The following RAB5A variants were observed in gnomAD, a reference collection of about 807,000 sequenced individuals.
RAB5A encodes RAB5A, member RAS oncogene family.
In RAB5A, 8 loss-of-function variants were observed where a neutral mutation model predicts 25.7. The ratio of observed to expected loss-of-function variants is 0.31; its 90% CI spans 0.18 to 0.56. RAB5A has a LOEUF of 0.56. Among genes scored for constraint, RAB5A ranks in the 20% least tolerant of loss-of-function variants. RAB5A has a pLI of 0.91. For synonymous variants in RAB5A, 98 were observed against 89.8 expected, an observed-to-expected ratio of 1.09 and a Z score of -0.52; for missense variants, 192 against 259.7, an observed-to-expected ratio of 0.74 and a Z score of 1.79.
At chr3:19,978,018 T>A (rs1696853148) in intron 4 of RAB5A, among the ~76,000 whole-genome samples, 1 of 152,194 alleles carries the variant, frequency 6.6e-6, no homozygotes, top group Non-Finnish European at 1.5e-5. Flanking sequence ...AAGATAATTC[T>A]CCCCCATCTC....
chr3:19,975,418 A>AAGAC, intron 2 of RAB5A, 183 bp from the exon 3 acceptor site: 1 of 518,698 alleles, frequency 1.9e-6, no homozygotes, highest in South Asian at 3.1e-5. Context: ...GCAATCTGTC[A>AAGAC]AGTTTCTAGG....
chr3:19,956,913 T>C (rs564259624), intron 2 of RAB5A, among the ~76,000 whole-genome samples: 2 of 151,756 alleles, frequency 1.3e-5, no homozygotes, highest in African/African-American at 2.4e-5. Context: ...ATTTAGAAAA[T>C]TTGAAGATTT....
At position 19,975,725 on chromosome 3, in the gene RAB5A, C is replaced by T; in HGVS notation, c.288C>T (p.Ala96=). The T allele has an allele frequency of 6.2e-7, 1 of 1,613,114 alleles. No individual in the cohort carries two copies. Among genetic ancestry groups the T allele is most frequent in the East Asian group, 2.2e-5 (1 of 44,848 alleles). ...APMYYRGAQA[A]IVVYDITNEE... ...TGTACTACAGAGGAGCACAAGCAGC[C>T]ATAGTTGTATATGATATCACAAATG... The change falls in exon 3 of 6, where the codon GCC becomes GCT. Residue 96 remains alanine, a synonymous_variant. Coordinates refer to ENST00000273047, the MANE Select transcript of RAB5A (RefSeq NM_004162.5).
intron 2 of RAB5A, among the ~76,000 whole-genome samples, chr3:19,967,848 G>T (rs1261530190): frequency 6.6e-6 from 1 of 152,038 alleles, no homozygotes; most frequent in South Asian, 2.1e-4. Context: ...TGTCGCTTCT[G>T]CAGTCCATTC....
chr3:19,974,257 C>T (rs990138292), intron 2 of RAB5A, among the ~76,000 whole-genome samples: 7 of 151,322 alleles, frequency 4.6e-5, no homozygotes, highest in African/African-American at 1.2e-4. Context: ...TGGGTTCAAA[C>T]GACTCTCCTG....
At chr3:19,976,794 TCTA>T (rs1696831195) in intron 4 of RAB5A, among the ~76,000 whole-genome samples, 1 of 152,184 alleles carries the variant, frequency 6.6e-6, no homozygotes, top group African/African-American at 2.4e-5. Context: ...CTAACCCTCT[TCTA>T]CTCATGTGCA....
chr3:19,970,494 G>C (rs1364609229), intron 2 of RAB5A: 1 of 455,966 alleles, frequency 2.2e-6, no homozygotes, highest in East Asian at 7.0e-5. Flanking sequence ...AGACAGGCCA[G>C]CACCCACATC....
chr3:19,965,776 C>T (rs940022376), intron 2 of RAB5A, among the ~76,000 whole-genome samples: 11 of 152,074 alleles, frequency 7.2e-5, no homozygotes, highest in African/African-American at 1.4e-4. Flanking sequence ...GGGATGGGGA[C>T]GGGATGACAG....
Position 19,983,873 on chromosome 3 carries a change from T to C in RAB5A, c.*50T>C. The C allele has an allele frequency of 7.8e-7, 1 of 1,281,678 alleles. No homozygotes were observed. The highest frequency in any genetic ancestry group is 1.1e-6 in the Non-Finnish European group (1 of 898,010). The allele number at this position is 1,281,678 out of a possible 1,614,324, so 79.4% of individuals were successfully genotyped here. ...TAGTCTTCTGCTTCCTAAATGTTAA[T>C]AACAATGGAATTGGAGCATTTAACC... On this transcript the variant is annotated 3_prime_UTR_variant, in exon 6 of 6. Coordinates refer to ENST00000273047, the MANE Select transcript of RAB5A (RefSeq NM_004162.5).
At chr3:19,969,767 C>T (rs1399999204) in intron 2 of RAB5A, among the ~76,000 whole-genome samples, 2 of 152,096 alleles carry the variant, frequency 1.3e-5, no homozygotes, top group Non-Finnish European at 2.9e-5. Context: ...CTGTTTAATT[C>T]ATGTAGAATC....
intron 1 of RAB5A, among the ~76,000 whole-genome samples, chr3:19,948,689 CACA>C (rs1331423664): frequency 9.9e-5 from 15 of 151,522 alleles, no homozygotes; most frequent in Admixed American, 7.9e-4. Context: ...GGGGAGTAGC[CACA>C]ATTAAGTAGC....
Position 19,963,623 on chromosome 3 carries a change from G to A in RAB5A, c.164-11978G>A, listed in dbSNP as rs76181330. On this transcript the variant is annotated intron_variant, in intron 2 of 5. Coordinates refer to ENST00000273047, the MANE Select transcript of RAB5A (RefSeq NM_004162.5). ...GTTTAGTCTTCTTTTCTATTATGTT[G>A]TAAAATTCTCAGATATCAGAACTTT... 6.4e-3 allele frequency among the ~76,000 whole-genome samples: 979 copies of A among 151,898 alleles called. 7 individuals are homozygous for A. The highest frequency in any genetic ancestry group is 0.022 in the African/African-American group (905 of 41,406).
chr3:19,950,776 T>C, intron 1 of RAB5A, 30 bp from the exon 2 acceptor site: 1 of 960,206 alleles, frequency 1.0e-6, no homozygotes, highest in Non-Finnish European at 1.5e-6. Context: ...TACTGATTTG[T>C]ATATTTAATT....
intron 4 of RAB5A, among the ~76,000 whole-genome samples, 163 bp downstream of exon 4, chr3:19,976,332 A>T (rs1313495138): frequency 6.6e-6 from 1 of 152,238 alleles, no homozygotes; most frequent in Non-Finnish European, 1.5e-5. Flanking sequence ...TGTTTCTGAT[A>T]AACCTAAATT....
At chr3:19,957,077 G>A (rs997540919) in intron 2 of RAB5A, among the ~76,000 whole-genome samples, 4 of 146,208 alleles carry the variant, frequency 2.7e-5, no homozygotes, top group Admixed American at 2.7e-4. Flanking sequence ...CTATAGGCAT[G>A]CACCCCACAC....
At chr3:19,955,636 G>A (rs1285526785) in intron 2 of RAB5A, among the ~76,000 whole-genome samples, 2 of 152,150 alleles carry the variant, frequency 1.3e-5, no homozygotes, top group Non-Finnish European at 2.9e-5. Context: ...GCTCATACCT[G>A]TAATCCCAAC....
At chr3:19,969,044 G>GTTTTTTTTTTTTTTTTTT (rs746635502) in intron 2 of RAB5A, among the ~76,000 whole-genome samples, 7 of 65,554 alleles carry the variant, frequency 1.1e-4, no homozygotes, top group Non-Finnish European at 1.6e-4. Flanking sequence ...TTTTTTTTTT[G>GTTTTTTTTTTTTTTTTTT]GTTTTTTTTT....
intron 2 of RAB5A, among the ~76,000 whole-genome samples, chr3:19,963,600 T>G (rs1696622189): frequency 6.6e-6 from 1 of 152,124 alleles, no homozygotes; most frequent in Non-Finnish European, 1.5e-5. Flanking sequence ...CCCTCTCTGT[T>G]TAGTCTTCTT....
chr3:19,960,006 A>C (rs1445664211), intron 2 of RAB5A, among the ~76,000 whole-genome samples: 1 of 152,154 alleles, frequency 6.6e-6, no homozygotes, highest in Admixed American at 6.5e-5. Flanking sequence ...CTTGGTTTTG[A>C]ATAATAATTG....
Sources: allele counts gnomAD v4.1 joint callset (sites outside exome capture counted in the v4.1 genomes callset), GRCh38; gene constraint gnomAD v4.1.1; transcripts MANE v1.5; gene names NCBI Gene and HGNC (gene_info 2026-07-23, HGNC 2026-07-21).